Variants in KIF14 observed in about 807,000 individuals in gnomAD.
KIF14 encodes kinesin-like protein KIF14.
Under a neutral mutation model 176.2 loss-of-function variants are expected in KIF14, and 98 were observed. The ratio of observed to expected loss-of-function variants is 0.56; its 90% confidence interval spans 0.47 to 0.66. The LOEUF is 0.66. KIF14 is among the 30% of genes least tolerant of loss of function. The pLI is 0.00. For missense variants in KIF14, 1,751 were observed against 1,920.4 expected, an observed-to-expected ratio of 0.91 and a Z score of 1.65; for synonymous variants, 566 against 632.2, an observed-to-expected ratio of 0.90 and a Z score of 1.57.
At chr1:200,571,066 T>C (rs988189043) in intron 22 of KIF14, among the ~76,000 whole-genome samples, 3 of 152,212 alleles carry the variant, frequency 2.0e-5, no homozygotes. Context: ...GCATAATACC[T>C]GTGAAGTGCA....
intron 15 of KIF14, among the ~76,000 whole-genome samples, chr1:200,593,229 T>C (rs1390329699): frequency 6.6e-6 from 1 of 152,238 alleles, no homozygotes; most frequent in African/African-American, 2.4e-5. Context: ...AGGCAGGATA[T>C]ATAGAGTCAC....
chr1:200,585,386 GA>G (rs1410273732), intron 19 of KIF14, among the ~76,000 whole-genome samples: 7 of 151,164 alleles, frequency 4.6e-5, no homozygotes, highest in African/African-American at 1.2e-4. Flanking sequence ...AGTAAAGCTA[GA>G]AAAAAAATCT....
rs926677717 is a variant in KIF14 at position 200,620,230 on chromosome 1, C to T, written c.-116+181G>A. 3.3e-5 allele frequency among the ~76,000 whole-genome samples: 5 copies of T among 152,292 alleles called. No individual in the cohort carries two copies. The South Asian group carries it at 1.0e-3, about 32-fold the overall frequency. On this transcript the variant is annotated intron_variant, in intron 1 of 29. Coordinates refer to ENST00000367350, the MANE Select transcript of KIF14 (RefSeq NM_014875.3). Reference sequence around the variant, plus strand: ...AAAGAAGATTCTGGAAATTCTCTTGCAACTAAAAACCATTTGCGATTTGCA... The same window carrying T: ...AAAGAAGATTCTGGAAATTCTCTTGTAACTAAAAACCATTTGCGATTTGCA...
chr1:200,606,847 T>A, intron 5 of KIF14, 49 bp from the exon 6 acceptor site: 5 of 1,391,030 alleles, frequency 3.6e-6, no homozygotes, highest in Non-Finnish European at 5.1e-6. Context: ...AAATATTTCA[T>A]GTAACTTGAA....
intron 25 of KIF14, among the ~76,000 whole-genome samples, 173 bp downstream of exon 25, chr1:200,564,896 T>C (rs1342291643): frequency 6.6e-6 from 1 of 152,244 alleles, no homozygotes; most frequent in African/African-American, 2.4e-5. Context: ...TAGAGAGCCA[T>C]GTAAGTCTTT....
chr1:200,620,059 T>C (rs1660607915), intron 1 of KIF14, among the ~76,000 whole-genome samples: 1 of 152,188 alleles, frequency 6.6e-6, no homozygotes, highest in Admixed American at 6.5e-5. Flanking sequence ...AACAAATTAA[T>C]GGAAGTTCAT....
At position 200,553,696 on chromosome 1, in the gene KIF14, T is replaced by C. The variant is rs1004814962; in HGVS notation, c.4639A>G (p.Ser1547Gly). The C allele has an allele frequency of 5.0e-6, 8 of 1,612,962 alleles. No individual in the cohort carries two copies. In the Admixed American group the frequency reaches 6.7e-5, roughly 13 times the overall value. ...GAAGTAGAAGGCACACTGAAGTCACTGTAAAAATCACTGGCCAAGTTGCGA... is the reference window on the plus strand; with the variant it reads ...GAAGTAGAAGGCACACTGAAGTCACCGTAAAAATCACTGGCCAAGTTGCGA... ...SIRNLASDFY[S>G]DFSVPSTSVG... is the part of the protein sequence containing the mutation. Residue 1547 changes from serine (S) to glycine (G), a missense_variant, in exon 30 of 30, where the codon AGT becomes GGT. Coordinates refer to ENST00000367350, the MANE Select transcript of KIF14 (RefSeq NM_014875.3).
At chr1:200,554,175 G>A (rs1032095119) in intron 29 of KIF14, among the ~76,000 whole-genome samples, 10 of 152,096 alleles carry the variant, frequency 6.6e-5, no homozygotes, top group African/African-American at 2.4e-4. Context: ...TGAATTGTTT[G>A]AGGTCAGGAG....
chr1:200,589,599 C>G (rs1169709048), intron 17 of KIF14, among the ~76,000 whole-genome samples: 1 of 150,918 alleles, frequency 6.6e-6, no homozygotes, highest in African/African-American at 2.4e-5. Context: ...ATGACTCAAG[C>G]GGCTAGAGGA....
chr1:200,604,575 C>T (rs913915242), intron 8 of KIF14, among the ~76,000 whole-genome samples: 1 of 152,050 alleles, frequency 6.6e-6, no homozygotes, highest in African/African-American at 2.4e-5. Flanking sequence ...TTGCTTATCC[C>T]AGCATTATAA....
Position 200,553,111 on chromosome 1 carries a change from T to G in KIF14, c.*277A>C. 2 of 184,344 alleles carry G rather than the reference T, an allele frequency of 1.1e-5. No homozygotes were observed. The highest frequency in any genetic ancestry group is 1.4e-4 in the East Asian group (1 of 7,262). 11.4% of individuals were successfully genotyped at this position (184,344 alleles called of 1,614,324 possible). On this transcript the variant is annotated 3_prime_UTR_variant, in exon 30 of 30. Transcript: ENST00000367350. ...GGCACGCGCCACCATGCCCAGCAAA[T>G]TTTTGTATTTTTAGTAGAGACGGGG...
At chr1:200,557,816 G>A (rs1018154546) in intron 27 of KIF14, among the ~76,000 whole-genome samples, 4 of 152,048 alleles carry the variant, frequency 2.6e-5, no homozygotes, top group African/African-American at 9.7e-5. Context: ...TCCTCCACAT[G>A]ATCTACTTTT....
intron 4 of KIF14, among the ~76,000 whole-genome samples, chr1:200,612,905 T>C (rs1419167212): frequency 9.1e-6 from 1 of 109,962 alleles, no homozygotes; most frequent in Non-Finnish European, 1.9e-5. Flanking sequence ...TTTTTTTTTT[T>C]GAGATGGAGT....
intron 21 of KIF14, among the ~76,000 whole-genome samples, chr1:200,578,270 AT>A (rs1470947756): frequency 6.6e-6 from 1 of 151,622 alleles, no homozygotes. Flanking sequence ...CCTTTGTTTT[AT>A]TTTGTTTTTA....
In KIF14 at chr1:200,602,057, T is replaced by C. The variant is rs915609793; in HGVS notation, c.1991A>G (p.Glu664Gly). ...AGTTTTTGAATTTCCACCCAGACTT[T>C]CTTTTAACAGCCTACAAGAAAAAAA... ...RESVLTWLLK[E>G]SLGGNSKTAM... Residue 664 changes from glutamate (E) to glycine (G), a missense_variant, in exon 11 of 30, where the codon GAA becomes GGA. By Grantham distance (98) the Glu-to-Gly change is moderately conservative. Coordinates refer to ENST00000367350, the MANE Select transcript of KIF14 (RefSeq NM_014875.3). 42 of 1,611,290 alleles carry C rather than the reference T, an allele frequency of 2.6e-5. No homozygotes were observed. Among genetic ancestry groups the C allele is most frequent in the Non-Finnish European group, 3.6e-5 (42 of 1,179,288 alleles).
chr1:200,575,375 AACTG>A (rs1658038254), intron 22 of KIF14, among the ~76,000 whole-genome samples: 1 of 152,156 alleles, frequency 6.6e-6, no homozygotes, highest in African/African-American at 2.4e-5. Flanking sequence ...TTTCTCTTCT[AACTG>A]ACTAATAAAC....
At chr1:200,581,170 ACATTTAAAAT>A (rs767254581) in intron 20 of KIF14, 21 bp downstream of exon 20, 1 of 1,228,044 alleles carries the variant, frequency 8.1e-7, no homozygotes. Flanking sequence ...CTTGTTTAAA[ACATTTAAAAT>A]CAGGATAATT....
chr1:200,573,263 TTATAGATGAGAA>T (rs1657910249), intron 22 of KIF14, among the ~76,000 whole-genome samples: 1 of 152,056 alleles, frequency 6.6e-6, no homozygotes, highest in Non-Finnish European at 1.5e-5. Context: ...TGTCTTCATT[TTATAGATGAGAA>T]AATTGAAGCC....
intron 27 of KIF14, among the ~76,000 whole-genome samples, chr1:200,557,116 G>C (rs1656873965): frequency 6.6e-6 from 1 of 152,168 alleles, no homozygotes; most frequent in South Asian, 2.1e-4. Flanking sequence ...CGATTCTCCT[G>C]CCTCAGCCTC....
Sources: allele counts gnomAD v4.1 joint callset (sites outside exome capture counted in the v4.1 genomes callset), GRCh38; gene constraint gnomAD v4.1.1; transcripts MANE v1.5; gene names NCBI Gene and HGNC (gene_info 2026-07-23, HGNC 2026-07-21).